The following FBN3 variants were observed in gnomAD, a reference collection of about 807,000 sequenced individuals.
FBN3 encodes the protein fibrillin-3.
FBN3 carries 234 observed loss-of-function variants against 330.1 expected under a neutral mutation model. That is an observed-to-expected ratio of 0.71 (90% confidence interval 0.64 to 0.79). The LOEUF (loss-of-function observed/expected upper bound fraction) is 0.79, where lower values mean the gene tolerates loss of function less well. Ranked by LOEUF, FBN3 falls within the 30% of genes least tolerant of loss-of-function variation. The pLI is 0.00. For synonymous variants in FBN3, 1,458 were observed against 1,517.3 expected, an observed-to-expected ratio of 0.96 and a Z score of 0.91; for missense variants, 3,606 against 3,886.9, an observed-to-expected ratio of 0.93 and a Z score of 1.92.
chr19:8,109,172 C>T lies in FBN3; in HGVS notation c.4618+55G>A. On this transcript the variant is annotated intron_variant, in intron 36 of 63. Transcript: ENST00000600128. This position sits in a 1 kb window ranked among gnomAD's most constrained non-coding sequence, Gnocchi z 5.2. Reference sequence around the variant, plus strand: ...CCATTAGCAGAGGTGACCCCCTAAGCTCCCGGGCCTCGGTGGCTTAGGTCA... The same window carrying T: ...CCATTAGCAGAGGTGACCCCCTAAGTTCCCGGGCCTCGGTGGCTTAGGTCA... 5 of 1,563,312 alleles carry T rather than the reference C, an allele frequency of 3.2e-6. No individual in the cohort carries two copies. The highest frequency in any genetic ancestry group is 1.2e-5 in the South Asian group (1 of 85,728).
At chr19:8,139,219 C>G (rs137994630) in intron 8 of FBN3, among the ~76,000 whole-genome samples, 1,959 of 152,104 alleles carry the variant, frequency 0.013, 48 homozygotes, top group African/African-American at 0.044. Flanking sequence ...CGGTGGCGCA[C>G]ACCTGTAATC....
chr19:8,106,249 G>A lies in FBN3; in HGVS notation c.4688-16C>T, dbSNP rs181418208. ...TCGTCGATGTCTGTCAGGAAGTAAG[G>A]AAGCCAAGCTTGGGAGCTAAACCCA... is the stretch of plus-strand genomic sequence containing the variant. On this transcript the variant is annotated splice_polypyrimidine_tract_variant and intron_variant, in intron 37 of 63. Transcript: ENST00000600128. The A allele has an allele frequency of 6.5e-3, 10,509 of 1,613,992 alleles. 46 individuals carry two copies. The highest frequency in any genetic ancestry group is 8.1e-3 in the Non-Finnish European group (9,532 of 1,179,960).
chr19:8,135,936 G>GGGGGGGGGGGGCCCCCCCCCCCCCCCC, intron 13 of FBN3, 25 bp downstream of exon 13: 4 of 668,746 alleles, frequency 6.0e-6, no homozygotes, highest in East Asian at 3.9e-5. Flanking sequence ...GGAAGCCCCT[G>GGGGGGGGGGGGCCCCCCCCCCCCCCCC]CCCACCCGCC....
rs567212704 is a variant in FBN3 at position 8,093,567 on chromosome 19, G to A, written c.5905+879C>T. On this transcript the variant is annotated intron_variant, in intron 47 of 63. Coordinates refer to ENST00000600128, the MANE Select transcript of FBN3 (RefSeq NM_032447.5). ...GAACCTGGGAGGCGGAGCTTGCAGT[G>A]AGCCGAGATTGTGCCACTGCACTCC... Among the ~76,000 whole-genome samples, 3 of 152,280 alleles carry A rather than the reference G, an allele frequency of 2.0e-5. No individual in the cohort carries two copies. In the South Asian group the frequency reaches 6.2e-4, roughly 32 times the overall value.
chr19:8,075,630 G>A (rs929111715), intron 59 of FBN3, among the ~76,000 whole-genome samples: 2 of 152,154 alleles, frequency 1.3e-5, no homozygotes, highest in Non-Finnish European at 1.5e-5. Context: ...CCACCGCCTC[G>A]AAGCTGTGTG....
chr19:8,137,819 G>A (rs2083322571), intron 10 of FBN3, among the ~76,000 whole-genome samples: 1 of 151,922 alleles, frequency 6.6e-6, no homozygotes, highest in South Asian at 2.1e-4. Context: ...GTAGAGACAG[G>A]GTCTTGCTAT....
Position 8,110,803 on chromosome 19 carries a change from C to T in FBN3, c.4333+42G>A, listed in dbSNP as rs767374946. 3.7e-6 allele frequency: 6 copies of T among 1,613,142 alleles called. No individual in the cohort carries two copies. The African/African-American group carries it at 8.0e-5, about 22-fold the overall frequency. On this transcript the variant is annotated intron_variant, in intron 34 of 63. Coordinates refer to ENST00000600128, the MANE Select transcript of FBN3 (RefSeq NM_032447.5). ...GTGAGCCATGTCCCCTGCCCCAACT[C>T]CTGCTCTCTCCTCTCCCCTTCCAGC... is the stretch of plus-strand genomic sequence containing the variant.
At position 8,129,923 on chromosome 19, in the gene FBN3, G is replaced by T. The variant is rs1300466793; in HGVS notation, c.2045-558C>A. On this transcript the variant is annotated intron_variant, in intron 16 of 63. Coordinates refer to ENST00000600128, the MANE Select transcript of FBN3 (RefSeq NM_032447.5). This position sits in a 1 kb window ranked among gnomAD's most constrained non-coding sequence, Gnocchi z 4.5. ...AGCAATTTTTTTTTTTTTGAGATAG[G>T]GTCTCACTCTGTCGCACAGGCTGGA... 1.3e-5 allele frequency among the ~76,000 whole-genome samples: 2 copies of T among 151,396 alleles called. No individual in the cohort carries two copies. The highest frequency in any genetic ancestry group is 4.9e-5 in the African/African-American group (2 of 41,208).
At position 8,131,745 on chromosome 19, in the gene FBN3, C is replaced by A. The variant is rs1483084758; in HGVS notation, c.1799G>T (p.Gly600Val). Residue 600 changes from glycine to valine, a missense_variant, in exon 15 of 64, where the codon GGG becomes GTG. Coordinates refer to ENST00000600128, the MANE Select transcript of FBN3 (RefSeq NM_032447.5). This position sits in a 1 kb window ranked among gnomAD's most constrained non-coding sequence, Gnocchi z 4.5. ...GCCATCCGTGCCTACCGCCAGCCCCCCCAGGCACTGGCAGCGGAAGGAGCC... is the reference window on the plus strand; with the variant it reads ...GCCATCCGTGCCTACCGCCAGCCCCACCAGGCACTGGCAGCGGAAGGAGCC... ...TEGSFRCQCL[G>V]GLAVGTDGRV... 1.2e-6 allele frequency: 2 copies of A among 1,613,662 alleles called. No homozygotes were observed. Among genetic ancestry groups the A allele is most frequent in the African/African-American group, 1.3e-5 (1 of 75,060 alleles).
chr19:8,085,644 G>A, intron 55 of FBN3, 75 bp from the exon 56 acceptor site: 1 of 1,211,314 alleles, frequency 8.3e-7, no homozygotes, highest in East Asian at 2.7e-5. Context: ...CTTGCTTTGG[G>A]GCAAGCTGTA....
chr19:8,079,011 C>A (rs1404972753), intron 59 of FBN3, among the ~76,000 whole-genome samples: 2 of 151,858 alleles, frequency 1.3e-5, no homozygotes, highest in African/African-American at 4.8e-5. Context: ...GAACTCCTGG[C>A]CCTAAGCCAT....
At chr19:8,094,965 AATT>A (rs2082179252) in intron 46 of FBN3, among the ~76,000 whole-genome samples, 1 of 152,080 alleles carries the variant, frequency 6.6e-6, no homozygotes, top group South Asian at 2.1e-4. Context: ...CTGATTTTAT[AATT>A]ATTTTATTTA....
rs1599411860 is a variant in FBN3 at position 8,129,162 on chromosome 19, T to C, written c.2171-9A>G. 6.5e-7 allele frequency: 1 copy of C among 1,527,494 alleles called. No individual in the cohort carries two copies. The highest frequency in any genetic ancestry group is 2.6e-5 in the East Asian group (1 of 39,190). The allele number at this position is 1,527,494 out of a possible 1,614,324, so 94.6% of individuals were successfully genotyped here. ...GGCACACTCATCCACGTCTGTGGGG[T>C]GGGGGTGGGAGAGAGGGGTGAGGGG... On this transcript the variant is annotated splice_polypyrimidine_tract_variant and intron_variant, in intron 17 of 63. Coordinates refer to ENST00000600128, the MANE Select transcript of FBN3 (RefSeq NM_032447.5). The surrounding 1 kb of genome is among the most constrained non-coding windows in gnomAD (Gnocchi z 4.5).
At chr19:8,095,263 A>C in intron 46 of FBN3, 112 bp downstream of exon 46, 7 of 1,195,260 alleles carry the variant, frequency 5.9e-6, no homozygotes, top group Non-Finnish European at 8.0e-6. Context: ...TTAAATCTTA[A>C]AATAAATGCT....
intron 63 of FBN3, among the ~76,000 whole-genome samples, chr19:8,067,718 C>T (rs2081423512): frequency 6.6e-6 from 1 of 152,178 alleles, no homozygotes; most frequent in Non-Finnish European, 1.5e-5. Flanking sequence ...AAAAATCCTT[C>T]CCCTCAGGGA....
At chr19:8,092,832 T>C (rs1047959604) in intron 47 of FBN3, among the ~76,000 whole-genome samples, 1 of 151,770 alleles carries the variant, frequency 6.6e-6, no homozygotes, top group African/African-American at 2.4e-5. Flanking sequence ...TCGTATGTTC[T>C]CACTTATAAG....
chr19:8,133,926 C>T (rs1258027743), intron 13 of FBN3, among the ~76,000 whole-genome samples: 2 of 150,430 alleles, frequency 1.3e-5, no homozygotes, highest in Admixed American at 6.6e-5. Context: ...ACTGAACATA[C>T]ATTTAAAAAA....
Position 8,095,243 on chromosome 19 carries a change from ATT to A in FBN3, c.5785+130_5785+131del, listed in dbSNP as rs35426475. ...GCCTCAGCCTCCCAAAGTGCTGGGT[ATT>A]TTTTTTTTTAAATCTTAAAATAAAT... is the stretch of plus-strand genomic sequence containing the variant. On this transcript the variant is annotated intron_variant, in intron 46 of 63. Transcript: ENST00000600128. 6.5e-3 allele frequency: 5,578 copies of A among 864,046 alleles called. 1 individual carries two copies. The highest frequency in any genetic ancestry group is 0.016 in the East Asian group (417 of 25,278). The allele number at this position is 864,046 out of a possible 1,614,324, so 53.5% of individuals were successfully genotyped here.
intron 24 of FBN3, 124 bp downstream of exon 24, chr19:8,123,340 G>C: frequency 9.0e-7 from 1 of 1,108,482 alleles, no homozygotes; most frequent in Non-Finnish European, 1.3e-6. Context: ...GATAACAAGA[G>C]TAAAACTCCG....
Sources: allele counts gnomAD v4.1 joint callset (sites outside exome capture counted in the v4.1 genomes callset), GRCh38; gene constraint gnomAD v4.1.1; non-coding constraint Gnocchi (gnomAD v3.1); transcripts MANE v1.5; gene names NCBI Gene and HGNC (gene_info 2026-07-23, HGNC 2026-07-21).